NDUFAF6: variants seen among roughly 807,000 people sequenced by gnomAD.
The protein encoded by NDUFAF6 is NADH:ubiquinone oxidoreductase complex assembly factor 6.
A neutral mutation model predicts 40.8 loss-of-function variants in NDUFAF6; 45 were observed. The observed-to-expected ratio is 1.10, with a 90% CI of 0.87 to 1.42. NDUFAF6 has a LOEUF of 1.42. NDUFAF6 is among the 40% of genes most tolerant of loss of function. The pLI, the probability that NDUFAF6 is intolerant of heterozygous loss-of-function variation, is 0.00. For missense variants in NDUFAF6, 435 were observed against 418.5 expected (o/e 1.04, Z -0.34); for synonymous variants, 185 against 155.9 (o/e 1.19, Z -1.39).
At chr8:95,071,835 CA>C (rs1457171020) in intron 9 of NDUFAF6, 1 of 152,554 alleles carries the variant, frequency 6.6e-6, no homozygotes, top group Non-Finnish European at 1.5e-5. Flanking sequence ...CAGCAGCGCC[CA>C]GGGGCATCTC....
intron 2 of NDUFAF6, chr8:95,085,699 A>G (rs570091077): frequency 6.6e-6 from 1 of 151,246 alleles, no homozygotes; most frequent in South Asian, 2.1e-4. Context: ...AGAGATATTT[A>G]AAAAACTATG....
At chr8:95,115,635 G>C (rs1379870358) in exon 5 of NDUFAF6, 2 of 152,092 alleles carry the variant, frequency 1.3e-5, no homozygotes, top group African/African-American at 4.8e-5. Flanking sequence ...ACTGCATCAG[G>C]AAGTTAGAAG....
intron 2 of NDUFAF6, among the ~76,000 whole-genome samples, chr8:95,094,136 A>C (rs1809360091): frequency 6.6e-6 from 1 of 151,898 alleles, no homozygotes; most frequent in African/African-American, 2.4e-5. Context: ...ACGCTTGGCT[A>C]ATTTTTTGTA....
At chr8:95,078,662 A>AAATATATATATATATATATATATAT (rs545018367), downstream of NDUFAF6, 7 of 121,040 alleles carry the variant, frequency 5.8e-5, no homozygotes, top group African/African-American at 2.0e-4. Context: ...AAAAAAAAAA[A>AAATATATATATATATATATATATAT]ATATATATAT....
At chr8:94,999,712 G>T (rs976178759) in intron 2 of NDUFAF6, among the ~76,000 whole-genome samples, 1 of 151,316 alleles carries the variant, frequency 6.6e-6, no homozygotes, top group African/African-American at 2.4e-5. Context: ...CCACCACACC[G>T]GGCCCATTCT....
chr8:95,112,160 A>G (rs866784742), intron 4 of NDUFAF6, among the ~76,000 whole-genome samples: 25 of 152,246 alleles, frequency 1.6e-4, no homozygotes, highest in Admixed American at 5.2e-4. Context: ...GTTAAAGACT[A>G]AGAGTGCAAA....
Position 95,038,377 on chromosome 8 carries a change from G to GT in NDUFAF6, c.420+2812dup, listed in dbSNP as rs201918190. On this transcript the variant is annotated intron_variant, in intron 3 of 8. Transcript: ENST00000396124. The stretch of plus-strand genomic sequence containing the variant: ...AAAATTTAGCGAATATTTTCTTTTT[G>GT]TTTTTTTTTTTGAGACAGAGTCTCA... Among the ~76,000 whole-genome samples the GT allele has an allele frequency of 7.4e-3, 1,074 of 144,594 alleles. 7 individuals carry two copies. The highest frequency in any genetic ancestry group is 0.021 in the African/African-American group (849 of 39,660). 94.9% of individuals were successfully genotyped at this position (144,594 alleles called of 152,430 possible). A position where few individuals can be genotyped will look rare whatever the true frequency, so the allele number is the denominator to read the frequency against.
intron 2 of NDUFAF6, among the ~76,000 whole-genome samples, chr8:94,992,227 C>T (rs1347847305): frequency 2.6e-5 from 4 of 152,172 alleles, no homozygotes; most frequent in Non-Finnish European, 5.9e-5. Flanking sequence ...GTGGCTCACA[C>T]CTGTAATCCC....
chr8:95,043,277 G>C (rs1190749246), intron 4 of NDUFAF6, among the ~76,000 whole-genome samples: 1 of 151,234 alleles, frequency 6.6e-6, no homozygotes, highest in Non-Finnish European at 1.5e-5. Flanking sequence ...TTTTAGTAGA[G>C]ATGGGGTTTC....
At chr8:94,935,696 T>G (rs765732353) in intron 1 of NDUFAF6, among the ~76,000 whole-genome samples, 1 of 152,202 alleles carries the variant, frequency 6.6e-6, no homozygotes, top group South Asian at 2.1e-4. Context: ...TACTGTGGTA[T>G]CAAGATCTAT....
intron 1 of NDUFAF6, among the ~76,000 whole-genome samples, chr8:94,898,952 G>A (rs1228944921): frequency 6.6e-6 from 1 of 152,172 alleles, no homozygotes; most frequent in African/African-American, 2.4e-5. Flanking sequence ...AAAATGAATG[G>A]TGCTTAATAA....
At chr8:95,065,784 T>A (rs1832687968) in intron 9 of NDUFAF6, among the ~76,000 whole-genome samples, 1 of 152,258 alleles carries the variant, frequency 6.6e-6, no homozygotes, top group Non-Finnish European at 1.5e-5. Context: ...ATGGGATTTA[T>A]ATACTTCTGT....
At chr8:95,093,700 G>A (rs1809345692) in intron 2 of NDUFAF6, among the ~76,000 whole-genome samples, 1 of 152,140 alleles carries the variant, frequency 6.6e-6, no homozygotes, top group African/African-American at 2.4e-5. Flanking sequence ...CCTCAACCCT[G>A]GCCCAAATAA....
chr8:95,057,744 AGTTT>A, intron 8 of NDUFAF6, 61 bp from the exon 9 acceptor site: 1 of 1,025,310 alleles, frequency 9.8e-7, no homozygotes, highest in African/African-American at 1.7e-5. Context: ...TTCTTTAGTT[AGTTT>A]TTTTTTTTTT....
At chr8:94,987,012 G>A (rs1405723688) in intron 2 of NDUFAF6, among the ~76,000 whole-genome samples, 1 of 152,076 alleles carries the variant, frequency 6.6e-6, no homozygotes, top group Non-Finnish European at 1.5e-5. Context: ...GCTAACATTG[G>A]TGTATCCACC....
Position 95,100,528 on chromosome 8 carries a change from TGTAA to T in NDUFAF6, n.135+3_135+6del, listed in dbSNP as rs199500065. On this transcript the variant is annotated splice_donor_variant and splice_donor_region_variant and intron_variant and non_coding_transcript_variant, in intron 1 of 2. Coordinates refer to the NDUFAF6 transcript ENST00000521063. ...TGAATATACTGTGTTACTGATTTAC[TGTAA>T]GTCTTAGTTTCACTTTCTATGTTTG... 3 of 152,362 alleles carry T rather than the reference TGTAA, an allele frequency of 2.0e-5. No individual in the cohort carries two copies. The East Asian group carries it at 5.8e-4, about 29-fold the overall frequency. 9.4% of individuals were successfully genotyped at this position (152,362 alleles called of 1,614,324 possible). A position where few individuals can be genotyped will look rare whatever the true frequency, so the allele number is the denominator to read the frequency against.
At chr8:95,028,166 C>G (rs1207761873) in intron 1 of NDUFAF6, among the ~76,000 whole-genome samples, 3 of 152,232 alleles carry the variant, frequency 2.0e-5, no homozygotes, top group Non-Finnish European at 2.9e-5. Flanking sequence ...ATATGTCTGT[C>G]TCTCTCAACT....
At position 95,036,355 on chromosome 8, in the gene NDUFAF6, G is replaced by A. The variant is rs1420127561; in HGVS notation, c.420+779G>A. 4 of 1,289,156 alleles carry A rather than the reference G, an allele frequency of 3.1e-6. No homozygotes were observed. The African/African-American group carries it at 6.1e-5, about 20-fold the overall frequency. 79.9% of individuals were successfully genotyped at this position (1,289,156 alleles called of 1,614,324 possible). A position where few individuals can be genotyped will look rare whatever the true frequency, so the allele number is the denominator to read the frequency against. The stretch of plus-strand genomic sequence containing the variant: ...GGAGCCACCCACAGACCTGACAGTG[G>A]TACACCTCTTCTCAGGTCTGCACAC... On this transcript the variant is annotated intron_variant, in intron 3 of 8. Transcript: ENST00000396124.
At chr8:94,905,893 A>G (rs1200726757) in intron 1 of NDUFAF6, among the ~76,000 whole-genome samples, 1 of 152,228 alleles carries the variant, frequency 6.6e-6, no homozygotes, top group African/African-American at 2.4e-5. Flanking sequence ...GTGACGCCAC[A>G]CACAATGTGA....
Sources: allele counts gnomAD v4.1 joint callset (sites outside exome capture counted in the v4.1 genomes callset), GRCh38; gene constraint gnomAD v4.1.1; transcripts MANE v1.5; gene names NCBI Gene and HGNC (gene_info 2026-07-23, HGNC 2026-07-21).